BICRAL: variants seen among roughly 807,000 people sequenced by gnomAD.
BICRAL encodes BRD4-interacting chromatin-remodeling complex-associated protein-like.
A neutral mutation model predicts 91.8 loss-of-function variants in BICRAL; 8 were observed. That is an observed-to-expected ratio of 0.09 (90% CI 0.05 to 0.16). The LOEUF is 0.16. BICRAL is among the 10% of genes least tolerant of loss of function. BICRAL has a pLI of 1.00. For missense variants in BICRAL, 1,038 were observed against 1,310.9 expected (o/e 0.79, Z 3.21); for synonymous variants, 445 against 491.1 (o/e 0.91, Z 1.24).
intron 1 of BICRAL, among the ~76,000 whole-genome samples, chr6:42,782,801 G>A (rs1050258131): frequency 9.2e-5 from 14 of 152,150 alleles, no homozygotes; most frequent in Admixed American, 9.1e-4. Flanking sequence ...CGGCGCGGCG[G>A]GGCCGCGAGC....
chr6:42,766,445 G>A (rs183687017), intron 1 of BICRAL, among the ~76,000 whole-genome samples: 28 of 152,262 alleles, frequency 1.8e-4, no homozygotes, highest in East Asian at 7.7e-4. Context: ...TCTGAAACAC[G>A]CAAACTGGCT....
At chr6:42,807,737 C>G (rs902312657) in intron 1 of BICRAL, among the ~76,000 whole-genome samples, 1 of 145,554 alleles carries the variant, frequency 6.9e-6, no homozygotes, top group Non-Finnish European at 1.5e-5. Context: ...ACCTGGGAGG[C>G]GGAGGTTGCA....
At chr6:42,798,934 TTA>T (rs147327726) in intron 1 of BICRAL, among the ~76,000 whole-genome samples, 53,275 of 147,310 alleles carry the variant, frequency 0.36, 9,613 homozygotes, top group South Asian at 0.47. Context: ...AAAATTTGTA[TTA>T]TTTTTTATTG....
intron 6 of BICRAL, among the ~76,000 whole-genome samples, chr6:42,843,862 G>C (rs1378787253): frequency 6.9e-6 from 1 of 145,512 alleles, no homozygotes; most frequent in Admixed American, 7.1e-5. Context: ...GCAATAGCAC[G>C]ATCTCGGCTC....
At chr6:42,830,643 T>C (rs538542954) in intron 6 of BICRAL, among the ~76,000 whole-genome samples, 1 of 151,882 alleles carries the variant, frequency 6.6e-6, no homozygotes, top group South Asian at 2.1e-4. Flanking sequence ...GGGTAGGGGG[T>C]CTCACTTTGT....
chr6:42,767,039 C>CAAA (rs575028938), intron 1 of BICRAL, among the ~76,000 whole-genome samples: 2 of 91,202 alleles, frequency 2.2e-5, no homozygotes, highest in African/African-American at 4.2e-5. Context: ...GACTCCATCT[C>CAAA]AAAAAAAAAA....
chr6:42,783,801 C>T (rs1390984888), intron 1 of BICRAL, among the ~76,000 whole-genome samples: 1 of 152,206 alleles, frequency 6.6e-6, no homozygotes, highest in Non-Finnish European at 1.5e-5. Flanking sequence ...GACCCCGCAC[C>T]CCCACTCCTC....
Position 42,864,680 on chromosome 6 carries a change from G to T in BICRAL, c.2474G>T (p.Cys825Phe). 1.2e-6 allele frequency: 2 copies of T among 1,613,780 alleles called. No individual in the cohort carries two copies. ...CCAGAGGGTTTTCAGGCTGATTTCT[G>T]TTGTTCCTTCAAACTTGATAAAGCT... is the stretch of plus-strand genomic sequence containing the variant. ...VDPEGFQADF[C>F]CSFKLDKAAH... Residue 825 changes from cysteine to phenylalanine, a missense_variant, in exon 13 of 13, where the codon TGT (cysteine) becomes TTT (phenylalanine). Transcript: ENST00000314073.
At chr6:42,862,382 A>C in intron 11 of BICRAL, 128 bp from the exon 12 acceptor site, 1 of 684,980 alleles carries the variant, frequency 1.5e-6, no homozygotes. Flanking sequence ...GAGGCAAAGA[A>C]AGGAGGCTCA....
At chr6:42,782,718 TGTGA>T (rs1304434515) in intron 1 of BICRAL, among the ~76,000 whole-genome samples, 1 of 148,632 alleles carries the variant, frequency 6.7e-6, no homozygotes, top group Non-Finnish European at 1.5e-5. Context: ...TGTGCGCGAG[TGTGA>T]GTGTGTTTTC....
At position 42,831,440 on chromosome 6, in the gene BICRAL, A is replaced by G. The variant is rs1764473945; in HGVS notation, c.1839+1268A>G. Among the ~76,000 whole-genome samples the G allele has an allele frequency of 2.0e-5, 3 of 152,206 alleles. No individual in the cohort carries two copies. In the South Asian group the frequency reaches 6.2e-4, roughly 31 times the overall value. ...CTGAGCTTGCTCTTACTATACTGTT[A>G]TGCAGATTAATTACTGTGGGCACTT... On this transcript the variant is annotated intron_variant, in intron 6 of 12. Coordinates refer to ENST00000314073, the MANE Select transcript of BICRAL (RefSeq NM_001393499.1).
At chr6:42,809,989 G>A (rs1316326761) in intron 1 of BICRAL, among the ~76,000 whole-genome samples, 1 of 152,046 alleles carries the variant, frequency 6.6e-6, no homozygotes, top group Non-Finnish European at 1.5e-5. Flanking sequence ...GTTTCACCAT[G>A]TTGGCCAGAC....
At chr6:42,763,506 G>A (rs182421563) in intron 1 of BICRAL, among the ~76,000 whole-genome samples, 5 of 152,208 alleles carry the variant, frequency 3.3e-5, no homozygotes, top group Middle Eastern at 3.4e-3. Context: ...ATGATGTGCC[G>A]CTTTTCTTGA....
chr6:42,800,605 A>C (rs1303398258), intron 1 of BICRAL, among the ~76,000 whole-genome samples: 1 of 149,974 alleles, frequency 6.7e-6, no homozygotes, highest in African/African-American at 2.5e-5. Context: ...GCTAGAGTGC[A>C]GTGCTGTGAT....
At chr6:42,862,340 G>C (rs1242331718) in intron 11 of BICRAL, among the ~76,000 whole-genome samples, 170 bp from the exon 12 acceptor site, 1 of 152,154 alleles carries the variant, frequency 6.6e-6, no homozygotes, top group South Asian at 2.1e-4. Flanking sequence ...TCCAGGGAGA[G>C]GCACTGGGTG....
rs1303191060 is a variant in BICRAL, at chr6:42,868,333, C to T, written c.*2887C>T. 6.6e-6 allele frequency: 1 copy of T among 151,206 alleles called. No individual in the cohort carries two copies. Among genetic ancestry groups the T allele is most frequent in the Non-Finnish European group, 1.5e-5 (1 of 67,850 alleles). The allele number at this position is 151,206 out of a possible 1,614,324, so 9.4% of individuals were successfully genotyped here. A position where few individuals can be genotyped will look rare whatever the true frequency, so the allele number is the denominator to read the frequency against. ...CTTAAATACCTTCATTTGTATAGTACGTCTCACTTGAAATTGCTTTGTATA... is the reference window on the plus strand; with the variant it reads ...CTTAAATACCTTCATTTGTATAGTATGTCTCACTTGAAATTGCTTTGTATA... On this transcript the variant is annotated 3_prime_UTR_variant, in exon 13 of 13. Coordinates refer to ENST00000314073, the MANE Select transcript of BICRAL (RefSeq NM_001393499.1).
rs115987299 is a variant in BICRAL, at chr6:42,767,414, A to C, written c.-260-14425A>C. ...TTGCCTCACCATGGATGCCACCATG[A>C]GTCTAACTCTGCTGTCTCAGCTCTG... On this transcript the variant is annotated intron_variant, in intron 1 of 14. Coordinates refer to the BICRAL transcript ENST00000614467. Among the ~76,000 whole-genome samples, 711 of 152,294 alleles carry C rather than the reference A, an allele frequency of 4.7e-3. 6 individuals carry two copies. The highest frequency in any genetic ancestry group is 7.8e-3 in the Non-Finnish European group (529 of 68,014).
chr6:42,755,584 CCTT>C (rs916173031), intron 1 of BICRAL, among the ~76,000 whole-genome samples: 10 of 152,122 alleles, frequency 6.6e-5, no homozygotes, highest in African/African-American at 2.4e-4. Flanking sequence ...TTGTCTCTCT[CCTT>C]CTCACTCAGG....
intron 1 of BICRAL, among the ~76,000 whole-genome samples, chr6:42,785,380 G>A (rs962379636): frequency 6.6e-6 from 1 of 151,840 alleles, no homozygotes; most frequent in Non-Finnish European, 1.5e-5. Flanking sequence ...CCAACGTGGT[G>A]AAACCCCGTC....
Sources: allele counts gnomAD v4.1 joint callset (sites outside exome capture counted in the v4.1 genomes callset), GRCh38; gene constraint gnomAD v4.1.1; transcripts MANE v1.5; gene names NCBI Gene and HGNC (gene_info 2026-07-23, HGNC 2026-07-21).